The following TNC variants were observed in gnomAD, a reference collection of about 807,000 sequenced individuals.
The protein encoded by TNC is tenascin.
In TNC, 109 loss-of-function variants were observed where a neutral mutation model predicts 202.4. The observed-to-expected ratio is 0.54, with a 90% confidence interval of 0.46 to 0.63. The LOEUF is 0.63. Among genes scored for constraint, TNC ranks in the 30% least tolerant of loss-of-function variants. The pLI, the probability that TNC is intolerant of heterozygous loss-of-function variation, is 0.00. For synonymous variants in TNC, 1,007 were observed against 1,089.7 expected, an observed-to-expected ratio of 0.92 and a Z score of 1.50; for missense variants, 2,756 against 2,833.3, an observed-to-expected ratio of 0.97 and a Z score of 0.62.
intron 9 of TNC, among the ~76,000 whole-genome samples, chr9:115,074,914 C>A (rs992691631): frequency 2.6e-5 from 4 of 152,198 alleles, no homozygotes; most frequent in African/African-American, 9.7e-5. Flanking sequence ...ATGCAAGACG[C>A]TACCCTTGGG....
At chr9:115,087,331 T>C in intron 2 of TNC, 58 bp from the exon 3 acceptor site, 1 of 1,560,486 alleles carries the variant, frequency 6.4e-7, no homozygotes. Context: ...TTTTTCTGTA[T>C]CTACCCAGGG....
At chr9:115,116,184 G>T (rs1459407807) in intron 1 of TNC, among the ~76,000 whole-genome samples, 1 of 152,138 alleles carries the variant, frequency 6.6e-6, no homozygotes, top group Non-Finnish European at 1.5e-5. Flanking sequence ...GAAGGAGGAG[G>T]TTAGTGTGGG....
chr9:115,078,198 TG>T lies in TNC; in HGVS notation c.2418del (p.Ser807AlafsTer5). On this transcript the variant is annotated frameshift_variant, in exon 7 of 28. Coordinates refer to ENST00000350763, the MANE Select transcript of TNC (RefSeq NM_002160.4). LOFTEE classifies it high-confidence loss of function. ...KRVTTTRLDA[P>X]SQIEVKDVTD... ...GTGACATCTTTCACCTCGATCTGGC[TG>T]GGGGCATCCAAGCCTATGATGGGCA... 1 of 1,606,462 alleles carries T rather than the reference TG, an allele frequency of 6.2e-7. No homozygotes were observed. Among genetic ancestry groups the T allele is most frequent in the Non-Finnish European group, 8.5e-7 (1 of 1,173,848 alleles).
chr9:115,096,121 T>C (rs988586809), intron 1 of TNC, among the ~76,000 whole-genome samples: 1 of 152,226 alleles, frequency 6.6e-6, no homozygotes, highest in Non-Finnish European at 1.5e-5. Context: ...CTGTGACTTA[T>C]GAAATTGTTT....
intron 25 of TNC, among the ~76,000 whole-genome samples, chr9:115,027,295 A>G (rs1587991965): frequency 1.3e-5 from 2 of 151,920 alleles, no homozygotes; most frequent in African/African-American, 2.4e-5. Context: ...TTTAAACTCT[A>G]AAGTGCCTTA....
chr9:115,072,156 G>A (rs138943506), intron 10 of TNC, among the ~76,000 whole-genome samples: 2 of 152,222 alleles, frequency 1.3e-5, no homozygotes, highest in African/African-American at 4.8e-5. Context: ...ATGAACTATG[G>A]GGAGAAGTGA....
At chr9:115,031,837 A>G (rs1343418548) in intron 22 of TNC, 152 bp from the exon 23 acceptor site, 1 of 925,538 alleles carries the variant, frequency 1.1e-6, no homozygotes, top group Non-Finnish European at 1.6e-6. Flanking sequence ...ACCAGGCTCC[A>G]TGTGCACTGC....
intron 26 of TNC, among the ~76,000 whole-genome samples, chr9:115,025,585 G>A (rs545088423): frequency 2.0e-5 from 3 of 151,936 alleles, no homozygotes; most frequent in Non-Finnish European, 2.9e-5. Flanking sequence ...GAACATTGTC[G>A]GATGCAGTTT....
chr9:115,021,035 G>T lies in TNC; in HGVS notation c.*122C>A. 1.3e-6 allele frequency: 1 copy of T among 749,436 alleles called. No individual in the cohort carries two copies. The highest frequency in any genetic ancestry group is 2.2e-6 in the Non-Finnish European group (1 of 456,780). The allele number at this position is 749,436 out of a possible 1,614,324, so 46.4% of individuals were successfully genotyped here. On this transcript the variant is annotated 3_prime_UTR_variant, in exon 28 of 28. Transcript: ENST00000350763. ...CGTTGGCCCCAGGGATCCATGGTCA[G>T]CTTTGACTCTCACCAAATGCCCAGG...
At chr9:115,027,721 G>A (rs996970457) in intron 25 of TNC, among the ~76,000 whole-genome samples, 3 of 152,152 alleles carry the variant, frequency 2.0e-5, no homozygotes, top group African/African-American at 4.8e-5. Context: ...ATAGAACAAT[G>A]TTCTCTGCAG....
rs1424152642 is a variant in TNC, at chr9:115,030,249, C to T, written c.6072+5G>A. ...GAGGGCTCTGCAGTCCCTGGTGGTA[C>T]TCACAATCCATCCACCCCCATCAGA... On this transcript the variant is annotated splice_donor_5th_base_variant and intron_variant, in intron 24 of 27. Transcript: ENST00000350763. The T allele has an allele frequency of 6.2e-7, 1 of 1,606,416 alleles. No homozygotes were observed. The highest frequency in any genetic ancestry group is 1.3e-5 in the African/African-American group (1 of 74,782).
In TNC at chr9:115,019,916, C is replaced by A. The variant is rs373796939; in HGVS notation, c.*1241G>T. On this transcript the variant is annotated 3_prime_UTR_variant, in exon 28 of 28. Coordinates refer to ENST00000350763, the MANE Select transcript of TNC (RefSeq NM_002160.4). ...TGTGTGGTAACAATACTTACCTCAA[C>A]TATATCATAGAGTTTCTAGGAGTTG... 2.8e-4 allele frequency: 42 copies of A among 152,308 alleles called. No homozygotes were observed. Among genetic ancestry groups the A allele is most frequent in the African/African-American group, 9.9e-4 (41 of 41,568 alleles). 9.4% of individuals were successfully genotyped at this position (152,308 alleles called of 1,614,324 possible).
chr9:115,064,319 T>A (rs549130419), intron 11 of TNC, among the ~76,000 whole-genome samples: 16 of 152,316 alleles, frequency 1.1e-4, no homozygotes, highest in Middle Eastern at 3.4e-3. Context: ...GAGAATTTTG[T>A]GATTTTCTTT....
intron 1 of TNC, among the ~76,000 whole-genome samples, chr9:115,115,580 A>C (rs576031284): frequency 6.6e-6 from 1 of 152,220 alleles, no homozygotes. Context: ...TATCATTGTC[A>C]TTAGAATTAA....
chr9:115,091,246 CT>C, intron 1 of TNC, 92 bp from the exon 2 acceptor site: 1 of 538,042 alleles, frequency 1.9e-6, no homozygotes, highest in South Asian at 2.5e-5. Flanking sequence ...TTTTATATCC[CT>C]GTATTTGAAG....
intron 8 of TNC, 130 bp from the exon 9 acceptor site, chr9:115,076,251 CT>C: frequency 7.1e-7 from 1 of 1,403,062 alleles, no homozygotes; most frequent in Non-Finnish European, 1.0e-6. Flanking sequence ...AAAGAACTCA[CT>C]GCAATCCAAT....
chr9:115,093,309 CAAAA>C (rs1248001585), intron 1 of TNC, among the ~76,000 whole-genome samples: 1 of 152,096 alleles, frequency 6.6e-6, no homozygotes, highest in Non-Finnish European at 1.5e-5. Flanking sequence ...AAAAACAAAA[CAAAA>C]CAAAAACAAC....
At chr9:115,109,716 A>T (rs1836892568) in intron 1 of TNC, among the ~76,000 whole-genome samples, 1 of 152,236 alleles carries the variant, frequency 6.6e-6, no homozygotes, top group Non-Finnish European at 1.5e-5. Flanking sequence ...GCCACCTCTG[A>T]AAGCAAACAC....
chr9:115,038,850 C>G (rs543948739), intron 19 of TNC, among the ~76,000 whole-genome samples: 3 of 151,288 alleles, frequency 2.0e-5, no homozygotes, highest in Admixed American at 6.6e-5. Context: ...TTTTTTGAGA[C>G]AGACTGTCAC....
Sources: gnomAD v4.1 joint callset for allele counts (sites outside exome capture counted in the v4.1 genomes callset) on GRCh38, gnomAD v4.1.1 for gene constraint, MANE v1.5 for transcripts, NCBI Gene and HGNC (gene_info 2026-07-23, HGNC 2026-07-21) for gene names.